Variants in SZT2 observed in about 807,000 individuals in gnomAD.
SZT2 encodes the protein KICSTOR complex protein SZT2.
In SZT2, 216 loss-of-function variants were observed where a neutral mutation model predicts 404.2. That is an observed-to-expected ratio of 0.53 (90% CI 0.48 to 0.60). The LOEUF is 0.60. SZT2 is among the 20% of genes least tolerant of loss of function. SZT2 has a pLI of 0.00. For synonymous variants in SZT2, 1,693 were observed against 1,749.9 expected (o/e 0.97, Z 0.81); for missense variants, 3,857 against 4,459.2 (o/e 0.86, Z 3.85).
At position 43,428,447 on chromosome 1, in the gene SZT2, C is replaced by T. The variant is rs754926004; in HGVS notation, c.4127C>T (p.Ala1376Val). ...TTCAGCAGCAGCATGGAGGAGGGTG[C>T]TGAACCTCGGGAACGAGCTATCCTA... Reference protein sequence around the residue: ...GPFSSSMEEGAEPRERAILAS... With the variant: ...GPFSSSMEEGVEPRERAILAS... Residue 1376 changes from alanine to valine, a missense_variant, in exon 28 of 72, where the codon GCT (alanine) becomes GTT (valine). Ala to Val is a moderately conservative substitution (Grantham distance 64). This residue lies in a region of SZT2 where 1,725 missense variants were observed against 1,881.0 expected (regional missense o/e 0.92). Coordinates refer to ENST00000634258, the MANE Select transcript of SZT2 (RefSeq NM_001365999.1). 1 of 1,614,112 alleles carries T rather than the reference C, an allele frequency of 6.2e-7. No homozygotes were observed. Among genetic ancestry groups the T allele is most frequent in the Non-Finnish European group, 8.5e-7 (1 of 1,180,020 alleles).
chr1:43,444,867 CCTCT>C (rs1402162543), intron 62 of SZT2, among the ~76,000 whole-genome samples: 2 of 152,180 alleles, frequency 1.3e-5, no homozygotes, highest in African/African-American at 4.8e-5. Context: ...TGTTCTCCCT[CCTCT>C]CTGTTTTCAG....
chr1:43,437,590 C>G lies in SZT2; in HGVS notation c.6291-5C>G. The G allele has an allele frequency of 6.2e-7, 1 of 1,614,060 alleles. No homozygotes were observed. Among genetic ancestry groups the G allele is most frequent in the Non-Finnish European group, 8.5e-7 (1 of 1,179,994 alleles). ...CATGTCCAAAGACATGCTGCTCTTT[C>G]CCAGGCTCCTAGAGACATCCTGCAG... On this transcript the variant is annotated splice_region_variant and splice_polypyrimidine_tract_variant and intron_variant, in intron 44 of 71. Coordinates refer to ENST00000634258, the MANE Select transcript of SZT2 (RefSeq NM_001365999.1). This position sits in a 1 kb window ranked among gnomAD's most constrained non-coding sequence, Gnocchi z 5.3.
chr1:43,447,074 G>A lies in SZT2; in HGVS notation c.9192G>A (p.Val3064=), dbSNP rs1655762048. Residue 3064 remains valine, a synonymous_variant, in exon 66 of 72, where the codon GTG becomes GTA. Transcript: ENST00000634258. ...AGCACGTGCTAGGTGCCCATCTGGT[G>A]CTGCGGCACGGCTACCACCTCACCA... ...VHQHVLGAHL[V]LRHGYHLTTF... is the part of the protein sequence containing the mutation. 1.2e-6 allele frequency: 2 copies of A among 1,613,914 alleles called. No homozygotes were observed. The highest frequency in any genetic ancestry group is 1.7e-6 in the Non-Finnish European group (2 of 1,180,010).
In SZT2 at chr1:43,446,372, C is replaced by G. The variant is rs756763854; in HGVS notation, c.9028C>G (p.Leu3010Val). The change falls in exon 65 of 72, where the codon CTG becomes GTG. Residue 3010 changes from leucine (L) to valine (V), a missense_variant. By Grantham distance (32) the Leu-to-Val change is conservative. This residue lies in a region of SZT2 where 717 missense variants were observed against 868.2 expected (regional missense o/e 0.83). Transcript: ENST00000634258. ...GCYFCVKQFA[L>V]ECSRIPMGQA... ...TTACTTCTGTGTCAAACAGTTTGCCCTGGAATGTTCCCGAATCCCAATGGG... is the reference window on the plus strand; with the variant it reads ...TTACTTCTGTGTCAAACAGTTTGCCGTGGAATGTTCCCGAATCCCAATGGG... 1 of 1,614,266 alleles carries G rather than the reference C, an allele frequency of 6.2e-7. No individual in the cohort carries two copies. The highest frequency in any genetic ancestry group is 8.5e-7 in the Non-Finnish European group (1 of 1,180,046).
rs1369282204 is a variant in SZT2, at chr1:43,424,351, G to A, written c.2390G>A (p.Arg797His). ...CTGTCCCGCTACCTCTACCATCAGC[G>A]CTGGCTTTGGAGTGTCCCGTCAGGA... The part of the protein sequence containing the change: ...ASLSRYLYHQ[R>H]WLWSVPSGLA... Residue 797 changes from arginine (R) to histidine (H), a missense_variant, in exon 16 of 72, where the codon CGC (arginine) becomes CAC (histidine). Arg to His is a conservative substitution (Grantham distance 29). Coordinates refer to ENST00000634258, the MANE Select transcript of SZT2 (RefSeq NM_001365999.1). The surrounding 1 kb of genome is among the most constrained non-coding windows in gnomAD (Gnocchi z 4.1). 6.3e-6 allele frequency: 10 copies of A among 1,597,970 alleles called. No individual in the cohort carries two copies. Among genetic ancestry groups the A allele is most frequent in the Non-Finnish European group, 6.8e-6 (8 of 1,179,624 alleles).
In SZT2 at chr1:43,430,731, C is replaced by T. The variant is rs147043685; in HGVS notation, c.4716C>T (p.Ser1572=). 53 of 1,612,858 alleles carry T rather than the reference C, an allele frequency of 3.3e-5. No homozygotes were observed. The highest frequency in any genetic ancestry group is 8.3e-5 in the Admixed American group (5 of 60,004). The change falls in exon 32 of 72, where the codon TCC becomes TCT. Residue 1572 remains serine, a synonymous_variant. Coordinates refer to ENST00000634258, the MANE Select transcript of SZT2 (RefSeq NM_001365999.1). ...CGCTCTTCCTGCACCTCACGTGCTC[C>T]GTGCGGCTACGTGGGCAGCACAGCT... The part of the protein sequence containing the change: ...LPPLFLHLTC[S]VRLRGQHSSV...
chr1:43,453,470 A>G lies in SZT2; in HGVS notation c.*2990A>G. ...CGCCTGTCTCCCGGGGACGGCCCCCAGCCCCATTTCCCCCTTCTCTTGGTC... is the reference window on the plus strand; with the variant it reads ...CGCCTGTCTCCCGGGGACGGCCCCCGGCCCCATTTCCCCCTTCTCTTGGTC... On this transcript the variant is annotated 3_prime_UTR_variant, in exon 72 of 72. Coordinates refer to ENST00000634258, the MANE Select transcript of SZT2 (RefSeq NM_001365999.1). 1 of 1,561,068 alleles carries G rather than the reference A, an allele frequency of 6.4e-7. No individual in the cohort carries two copies. Among genetic ancestry groups the G allele is most frequent in the Non-Finnish European group, 8.7e-7 (1 of 1,151,726 alleles).
chr1:43,427,034 A>G (rs1387532523), intron 23 of SZT2, 22 bp from the exon 24 acceptor site: 7 of 1,613,546 alleles, frequency 4.3e-6, no homozygotes, highest in Non-Finnish European at 5.9e-6. Context: ...AGATTGCTCT[A>G]ATTTCTGTTT....
chr1:43,432,586 C>T lies in SZT2; in HGVS notation c.5512C>T (p.Pro1838Ser), dbSNP rs1265770992. The change falls in exon 38 of 72, where the codon CCC becomes TCC. Residue 1838 changes from proline to serine, a missense_variant. By Grantham distance (74) the Pro-to-Ser change is moderately conservative. Coordinates refer to ENST00000634258, the MANE Select transcript of SZT2 (RefSeq NM_001365999.1). ...DSEGVPLISL[P>S]RVPQGGSQPG... ...TGAGGGTGTCCCCCTCATCAGCCTG[C>T]CCCGCGTGCCACAGGGAGGTAAGAG... 4 of 1,613,596 alleles carry T rather than the reference C, an allele frequency of 2.5e-6. No homozygotes were observed. The African/African-American group carries it at 5.3e-5, about 22-fold the overall frequency.
At position 43,442,365 on chromosome 1, in the gene SZT2, G is replaced by T; in HGVS notation, c.7971G>T (p.Lys2657Asn). The T allele has an allele frequency of 6.2e-7, 1 of 1,614,040 alleles. No individual in the cohort carries two copies. The highest frequency in any genetic ancestry group is 1.7e-5 in the Admixed American group (1 of 59,996). The change falls in exon 57 of 72, where the codon AAG becomes AAT. Residue 2657 changes from lysine to asparagine, a missense_variant. Transcript: ENST00000634258. The surrounding 1 kb of genome is among the most constrained non-coding windows in gnomAD (Gnocchi z 4.5). ...TCTTGCTACTAGAGGTTGTGGACAA[G>T]AAGGTAAATATGGGGCCAGGGACTG... ...QRLLLLEVVD[K>N]KLQLLTYNWA...
Position 43,430,777 on chromosome 1 carries a change from C to T in SZT2, c.4762C>T (p.Pro1588Ser), listed in dbSNP as rs1653776467. ...QHSSVPVCSL[P>S]TCLGQVLSSL... Reference sequence around the variant, plus strand: ...CAGCTCAGTACCTGTGTGCAGCCTGCCTACCTGCCTGGGTGAGTTTGAGGC... The same window carrying T: ...CAGCTCAGTACCTGTGTGCAGCCTGTCTACCTGCCTGGGTGAGTTTGAGGC... Residue 1588 changes from proline (P) to serine (S), a missense_variant, in exon 32 of 72, where the codon CCT becomes TCT. This residue lies in a region of SZT2 where 1,725 missense variants were observed against 1,881.0 expected (regional missense o/e 0.92). Coordinates refer to ENST00000634258, the MANE Select transcript of SZT2 (RefSeq NM_001365999.1). 6 of 1,608,098 alleles carry T rather than the reference C, an allele frequency of 3.7e-6. No individual in the cohort carries two copies. Among genetic ancestry groups the T allele is most frequent in the Non-Finnish European group, 5.1e-6 (6 of 1,177,218 alleles).
At position 43,442,393 on chromosome 1, in the gene SZT2, T is replaced by G. The variant is rs750148048; in HGVS notation, c.7974+25T>G. ...GGTAAATATGGGGCCAGGGACTGGGTGGGAAGAGGGGTTCCGTGATCTCAC... is the reference window on the plus strand; with the variant it reads ...GGTAAATATGGGGCCAGGGACTGGGGGGGAAGAGGGGTTCCGTGATCTCAC... On this transcript the variant is annotated intron_variant, in intron 57 of 71. Coordinates refer to ENST00000634258, the MANE Select transcript of SZT2 (RefSeq NM_001365999.1). This position sits in a 1 kb window ranked among gnomAD's most constrained non-coding sequence, Gnocchi z 4.5. 2 of 1,612,708 alleles carry G rather than the reference T, an allele frequency of 1.2e-6. No individual in the cohort carries two copies. The highest frequency in any genetic ancestry group is 1.7e-6 in the Non-Finnish European group (2 of 1,179,360).
In SZT2 at chr1:43,420,947, C is replaced by A; in HGVS notation, c.1460C>A (p.Thr487Asn). ...LRQPIRSLYR[T>N]HVIRRFWNTL... is the part of the protein sequence containing the mutation. Reference sequence around the variant, plus strand: ...CAGCCCATTCGTTCATTGTATCGTACCCATGTTATCCGGCGTTTCTGGAAC... The same window carrying A: ...CAGCCCATTCGTTCATTGTATCGTAACCATGTTATCCGGCGTTTCTGGAAC... Residue 487 changes from threonine to asparagine, a missense_variant, in exon 10 of 72, where the codon ACC becomes AAC. Thr to Asn is a moderately conservative substitution (Grantham distance 65, BLOSUM62 0). This residue lies in a region of SZT2 where 536 missense variants were observed against 637.4 expected (regional missense o/e 0.84). Transcript: ENST00000634258. This position sits in a 1 kb window ranked among gnomAD's most constrained non-coding sequence, Gnocchi z 5.1. 1 of 1,598,432 alleles carries A rather than the reference C, an allele frequency of 6.3e-7. No individual in the cohort carries two copies.
chr1:43,448,456 A>G lies in SZT2; in HGVS notation c.9941A>G (p.Lys3314Arg), dbSNP rs758380489. 2.5e-6 allele frequency: 4 copies of G among 1,610,678 alleles called. No individual in the cohort carries two copies. The Admixed American group carries it at 5.0e-5, about 20-fold the overall frequency. Reference sequence around the variant, plus strand: ...GAACTCCTAGAAGCAGTCCATGCCAAATCCATTGGGGACATCGACCCCCAG... The same window carrying G: ...GAACTCCTAGAAGCAGTCCATGCCAGATCCATTGGGGACATCGACCCCCAG... ...LEELLEAVHA[K>R]SIGDIDPQLD... The change falls in exon 69 of 72, where the codon AAA (lysine) becomes AGA (arginine). Residue 3314 changes from lysine to arginine, a missense_variant. Coordinates refer to ENST00000634258, the MANE Select transcript of SZT2 (RefSeq NM_001365999.1). The surrounding 1 kb of genome is among the most constrained non-coding windows in gnomAD (Gnocchi z 4.2).
chr1:43,403,333 G>C (rs1230364059), intron 2 of SZT2, 31 bp downstream of exon 2: 1 of 1,605,286 alleles, frequency 6.2e-7, no homozygotes, highest in East Asian at 2.2e-5. Context: ...AGGTGTGAGG[G>C]GCCAGCCCAG....
chr1:43,447,501 G>A (rs1655819275), intron 66 of SZT2, 44 bp from the exon 67 acceptor site: 1 of 1,602,430 alleles, frequency 6.2e-7, no homozygotes, highest in African/African-American at 1.3e-5. Context: ...CAGTGTGTCT[G>A]TCCTAGGCTT....
rs2153935894 is a variant in SZT2, at chr1:43,442,183, G to A, written c.7873+53G>A. 18 of 1,602,134 alleles carry A rather than the reference G, an allele frequency of 1.1e-5. No homozygotes were observed. The highest frequency in any genetic ancestry group is 1.4e-5 in the Non-Finnish European group (17 of 1,173,580). ...GGCGGGTAGGCTAAGAGTAACTGGT[G>A]GGGTCTCCAACCTTGCAGAGGGGAG... On this transcript the variant is annotated intron_variant, in intron 56 of 71. Coordinates refer to ENST00000634258, the MANE Select transcript of SZT2 (RefSeq NM_001365999.1). This position sits in a 1 kb window ranked among gnomAD's most constrained non-coding sequence, Gnocchi z 4.5.
intron 4 of SZT2, chr1:43,406,244 C>T (rs1020368653): frequency 6.1e-6 from 2 of 327,456 alleles, no homozygotes; most frequent in Admixed American, 4.2e-5. Flanking sequence ...CCCACTACCA[C>T]ACCCGGCTAA....
chr1:43,424,523 T>C lies in SZT2; in HGVS notation c.2471+91T>C, dbSNP rs1652907207. 7.7e-7 allele frequency: 1 copy of C among 1,294,150 alleles called. No individual in the cohort carries two copies. The allele number at this position is 1,294,150 out of a possible 1,614,324, so 80.2% of individuals were successfully genotyped here. On this transcript the variant is annotated intron_variant, in intron 16 of 71. Coordinates refer to ENST00000634258, the MANE Select transcript of SZT2 (RefSeq NM_001365999.1). The surrounding 1 kb of genome is among the most constrained non-coding windows in gnomAD (Gnocchi z 4.1). ...GCAAAAAGCCTATAGCACACACTTC[T>C]CCTCTCTAATTCCCAGTCTGAAGTA...
Sources: gnomAD v4.1 joint callset for allele counts (sites outside exome capture counted in the v4.1 genomes callset) on GRCh38, gnomAD v4.1.1 for gene constraint, gnomAD v4.1.1 regional missense constraint, Gnocchi (gnomAD v3.1) non-coding constraint, MANE v1.5 for transcripts, NCBI Gene and HGNC (gene_info 2026-07-23, HGNC 2026-07-21) for gene names.